Variants in TIAM2 observed in about 807,000 individuals in gnomAD.
TIAM2 encodes the protein rho guanine nucleotide exchange factor TIAM2.
A neutral mutation model predicts 152.9 loss-of-function variants in TIAM2; 80 were observed. The observed-to-expected ratio is 0.52, with a 90% CI of 0.44 to 0.63. The LOEUF (loss-of-function observed/expected upper bound fraction) is 0.63, where lower values mean the gene tolerates loss of function less well. TIAM2 is among the 30% of genes least tolerant of loss of function. The pLI, the probability that TIAM2 is intolerant of heterozygous loss-of-function variation, is 0.00. For synonymous variants in TIAM2, 804 were observed against 838.0 expected, an observed-to-expected ratio of 0.96 and a Z score of 0.70; for missense variants, 1,965 against 2,120.1, an observed-to-expected ratio of 0.93 and a Z score of 1.44.
At chr6:155,240,499 G>A in intron 15 of TIAM2, 31 bp from the exon 16 acceptor site, 1 of 1,580,908 alleles carries the variant, frequency 6.3e-7, no homozygotes, top group Non-Finnish European at 8.6e-7. Flanking sequence ...AGAGGCCCGT[G>A]CATTATTTTC....
At chr6:155,007,931 A>C (rs2114844243) in intron 1 of TIAM2, among the ~76,000 whole-genome samples, 1 of 152,328 alleles carries the variant, frequency 6.6e-6, no homozygotes, top group East Asian at 1.9e-4. Flanking sequence ...ACTGAAGCTA[A>C]ATTTTGATAG....
chr6:155,004,686 G>C (rs895994938), intron 1 of TIAM2: 1 of 152,256 alleles, frequency 6.6e-6, no homozygotes, highest in Non-Finnish European at 1.5e-5. Flanking sequence ...GAGCCACTGC[G>C]CCCGGCCTCT....
chr6:155,104,040 A>ACCCCCCCCCCCCCC (rs774902405), intron 2 of TIAM2, among the ~76,000 whole-genome samples: 1 of 57,732 alleles, frequency 1.7e-5, no homozygotes, highest in Non-Finnish European at 3.2e-5. Context: ...ACACACACAC[A>ACCCCCCCCCCCCCC]CCCCCCCCCC....
chr6:155,193,143 A>G (rs1583241443), intron 14 of TIAM2, among the ~76,000 whole-genome samples: 1 of 152,194 alleles, frequency 6.6e-6, no homozygotes. Context: ...GGTGGCTCAC[A>G]CCTGTAATCC....
intron 1 of TIAM2, among the ~76,000 whole-genome samples, chr6:155,085,511 G>A (rs995702323): frequency 1.3e-5 from 2 of 151,944 alleles, no homozygotes; most frequent in Non-Finnish European, 2.9e-5. Context: ...CCAGTCCTTG[G>A]CAGTAGGCTT....
intron 15 of TIAM2, among the ~76,000 whole-genome samples, chr6:155,223,329 G>T (rs1710446333): frequency 6.6e-6 from 1 of 152,084 alleles, no homozygotes; most frequent in Non-Finnish European, 1.5e-5. Context: ...ATAGTCAAGT[G>T]ATATTTTGAA....
At chr6:155,024,656 A>ATT (rs1562292978) in intron 1 of TIAM2, among the ~76,000 whole-genome samples, 2 of 151,924 alleles carry the variant, frequency 1.3e-5, no homozygotes, top group South Asian at 2.1e-4. Context: ...TGTCTTTAAA[A>ATT]AAAAAAAAAA....
chr6:155,059,294 CTGTGTG>C (rs56013145), intron 1 of TIAM2, among the ~76,000 whole-genome samples: 20 of 117,210 alleles, frequency 1.7e-4, no homozygotes, highest in South Asian at 2.4e-4. Flanking sequence ...GTGTGTGTGT[CTGTGTG>C]TGTGTGTGTG....
At chr6:155,150,105 T>C (rs564130922) in intron 7 of TIAM2, among the ~76,000 whole-genome samples, 2 of 152,226 alleles carry the variant, frequency 1.3e-5, no homozygotes, top group South Asian at 4.2e-4. Context: ...CTACCTTTGC[T>C]TCTCCTTTTC....
chr6:155,012,007 A>C (rs1778497689), intron 1 of TIAM2, among the ~76,000 whole-genome samples: 1 of 152,180 alleles, frequency 6.6e-6, no homozygotes, highest in African/African-American at 2.4e-5. Flanking sequence ...TTTAAGACCA[A>C]ATGTAGACTC....
At chr6:155,194,320 G>A (rs962027191) in intron 14 of TIAM2, among the ~76,000 whole-genome samples, 4 of 152,188 alleles carry the variant, frequency 2.6e-5, no homozygotes, top group African/African-American at 9.7e-5. Context: ...AAGGGTCCAC[G>A]GAGCTGCGAG....
intron 5 of TIAM2, among the ~76,000 whole-genome samples, chr6:155,140,735 G>A (rs1779680511): frequency 6.6e-6 from 1 of 152,324 alleles, no homozygotes; most frequent in South Asian, 2.1e-4. Context: ...AGAACTGGGT[G>A]AGAGTGAACA....
chr6:155,094,726 T>G (rs372495830), intron 2 of TIAM2, among the ~76,000 whole-genome samples: 50 of 142,912 alleles, frequency 3.5e-4, no homozygotes, highest in African/African-American at 1.2e-3. Context: ...TATCTATGGT[T>G]TTTTTTTTTT....
At chr6:155,166,165 T>A (rs1780430964) in intron 9 of TIAM2, among the ~76,000 whole-genome samples, 1 of 152,172 alleles carries the variant, frequency 6.6e-6, no homozygotes, top group African/African-American at 2.4e-5. Context: ...TTGAAGAGGT[T>A]ACGTCACTTA....
At chr6:155,081,995 G>T (rs995851441) in intron 1 of TIAM2, among the ~76,000 whole-genome samples, 1 of 152,086 alleles carries the variant, frequency 6.6e-6, no homozygotes, top group African/African-American at 2.4e-5. Flanking sequence ...TCCTGCCTCA[G>T]TACTGAAAAG....
chr6:155,227,988 CT>C lies in TIAM2; in HGVS notation c.3169-12541del, dbSNP rs1782307340. Among the ~76,000 whole-genome samples the C allele has an allele frequency of 1.3e-5, 2 of 152,186 alleles. 1 individual carries two copies. The highest frequency in any genetic ancestry group is 1.3e-4 in the Admixed American group (2 of 15,278). Reference sequence around the variant, plus strand: ...GTCTGTACCTGGGAGCCAGGTGCTGCTCTATTTTTTGTTTCGTTTTCTAGGT... The same window carrying C: ...GTCTGTACCTGGGAGCCAGGTGCTGCCTATTTTTTGTTTCGTTTTCTAGGT... On this transcript the variant is annotated intron_variant, in intron 15 of 26. Coordinates refer to ENST00000682666, the MANE Select transcript of TIAM2 (RefSeq NM_012454.4).
At chr6:155,096,581 T>G (rs1031845373) in intron 2 of TIAM2, among the ~76,000 whole-genome samples, 1 of 152,170 alleles carries the variant, frequency 6.6e-6, no homozygotes, top group African/African-American at 2.4e-5. Context: ...CTTTTTTTTA[T>G]CTCCCACATG....
rs1489657463 is a variant in TIAM2 at position 155,169,016 on chromosome 6, GACGGAGTCT to G, written c.2361+3608_2361+3616del. ...TGTTTGTTTTTGTTTTTGTTTTTGA[GACGGAGTCT>G]GGCTCTGTTGCCCAGGCTGGAGTGC... On this transcript the variant is annotated intron_variant, in intron 9 of 26. Transcript: ENST00000682666. 7.6e-6 allele frequency: 9 copies of G among 1,184,212 alleles called. No individual in the cohort carries two copies. In the African/African-American group the frequency reaches 1.1e-4, roughly 14 times the overall value. The allele number at this position is 1,184,212 out of a possible 1,614,324, so 73.4% of individuals were successfully genotyped here. A position where few individuals can be genotyped will look rare whatever the true frequency, so the allele number is the denominator to read the frequency against.
At chr6:155,234,003 T>TTG (rs1562364586) in intron 15 of TIAM2, among the ~76,000 whole-genome samples, 8 of 147,368 alleles carry the variant, frequency 5.4e-5, no homozygotes, top group South Asian at 4.3e-4. Flanking sequence ...AAATTTTTTT[T>TTG]GGGGGGGGGT....
Sources: allele counts gnomAD v4.1 joint callset (sites outside exome capture counted in the v4.1 genomes callset), GRCh38; gene constraint gnomAD v4.1.1; transcripts MANE v1.5; gene names NCBI Gene and HGNC (gene_info 2026-07-23, HGNC 2026-07-21).